The following DNAH6 variants were observed in gnomAD, a reference collection of about 807,000 sequenced individuals.
The protein encoded by DNAH6 is axonemal beta dynein heavy chain 6.
A neutral mutation model predicts 491.4 loss-of-function variants in DNAH6; 340 were observed. The observed-to-expected ratio is 0.69, with a 90% CI of 0.63 to 0.76. The LOEUF (loss-of-function observed/expected upper bound fraction) is 0.76. DNAH6 is among the 30% of genes least tolerant of loss of function. The pLI, the probability that DNAH6 is intolerant of heterozygous loss-of-function variation, is 0.00. For missense variants in DNAH6, 4,443 were observed against 4,972.2 expected (o/e 0.89, Z 3.20); for synonymous variants, 1,603 against 1,686.1 (o/e 0.95, Z 1.21).
chr2:84,593,926 A>G (rs1395537530), intron 16 of DNAH6, 46 bp from the exon 17 acceptor site: 1 of 1,158,806 alleles, frequency 8.6e-7, no homozygotes, highest in Non-Finnish European at 1.3e-6. Context: ...TATGCTCATT[A>G]TATCTGAAAA....
chr2:84,568,482 G>C (rs1681449463), intron 11 of DNAH6, among the ~76,000 whole-genome samples: 1 of 152,062 alleles, frequency 6.6e-6, no homozygotes, highest in Admixed American at 6.6e-5. Flanking sequence ...AAAACACCAT[G>C]TATTCTCACT....
chr2:84,742,807 AC>A (rs948597166), intron 62 of DNAH6, among the ~76,000 whole-genome samples: 59 of 151,574 alleles, frequency 3.9e-4, no homozygotes, highest in African/African-American at 1.4e-3. Flanking sequence ...TTTGGTAATT[AC>A]TCTTATACTT....
chr2:84,705,471 A>ATGTC lies in DNAH6; in HGVS notation c.8466-9_8466-6dup, dbSNP rs35887171. ...TTCATTTCAGTGCCATTAATATATC[A>ATGTC]TGTCTGTCTTTCAGGCCTGATTGGC... On this transcript the variant is annotated splice_polypyrimidine_tract_variant and intron_variant, in intron 51 of 76. Coordinates refer to ENST00000389394, the MANE Select transcript of DNAH6 (RefSeq NM_001370.2). 29,963 of 1,528,044 alleles carry ATGTC rather than the reference A, an allele frequency of 0.02. 387 individuals are homozygous for ATGTC. Among genetic ancestry groups the ATGTC allele is most frequent in the Non-Finnish European group, 0.023 (26,466 of 1,136,506 alleles). The allele number at this position is 1,528,044 out of a possible 1,614,324, so 94.7% of individuals were successfully genotyped here. A position where few individuals can be genotyped will look rare whatever the true frequency, so the allele number is the denominator to read the frequency against.
chr2:84,747,290 A>G (rs1673054485), intron 63 of DNAH6, among the ~76,000 whole-genome samples: 1 of 152,234 alleles, frequency 6.6e-6, no homozygotes, highest in Admixed American at 6.5e-5. Flanking sequence ...CATGAGATCA[A>G]AAACAAGTTA....
intron 22 of DNAH6, among the ~76,000 whole-genome samples, chr2:84,614,150 A>C (rs929514214): frequency 2.6e-5 from 4 of 151,852 alleles, no homozygotes; most frequent in Admixed American, 1.3e-4. Flanking sequence ...TACTGTACCC[A>C]ATGCGTAGTC....
At chr2:84,528,090 G>A (rs1233951404) in intron 3 of DNAH6, among the ~76,000 whole-genome samples, 3 of 152,084 alleles carry the variant, frequency 2.0e-5, no homozygotes, top group South Asian at 2.1e-4. Context: ...CAAGTTTTTT[G>A]GGGGGTGTGA....
At chr2:84,551,400 A>AG (rs997267540) in intron 9 of DNAH6, among the ~76,000 whole-genome samples, 1 of 151,744 alleles carries the variant, frequency 6.6e-6, no homozygotes, top group African/African-American at 2.4e-5. Flanking sequence ...TCAAAGGGGA[A>AG]AAAAGATATT....
the DNAH6 span, among the ~76,000 whole-genome samples, chr2:84,464,784 T>G: frequency 6.6e-6 from 1 of 152,260 alleles, no homozygotes; most frequent in African/African-American, 2.4e-5. Flanking sequence ...CTAGCTCCTT[T>G]ACTGCAAACT....
chr2:84,541,526 G>A (rs1017864849), intron 4 of DNAH6, among the ~76,000 whole-genome samples: 1 of 152,190 alleles, frequency 6.6e-6, no homozygotes, highest in African/African-American at 2.4e-5. Flanking sequence ...AAAAGAAGAA[G>A]AAAAGTGTGG....
upstream of DNAH6, chr2:84,516,490 C>T (rs1675603067): frequency 6.6e-6 from 1 of 152,212 alleles, no homozygotes; most frequent in Admixed American, 6.5e-5. Context: ...TACGCAGCAA[C>T]AGGAAACATT....
intron 62 of DNAH6, among the ~76,000 whole-genome samples, chr2:84,740,062 A>G (rs1228957149): frequency 7.1e-6 from 1 of 141,130 alleles, no homozygotes; most frequent in Non-Finnish European, 1.6e-5. Flanking sequence ...CTTCTTGTTT[A>G]TTCGTTTTTC....
chr2:84,729,542 A>C (rs112565254), intron 61 of DNAH6, among the ~76,000 whole-genome samples: 8 of 152,358 alleles, frequency 5.3e-5, no homozygotes, highest in African/African-American at 1.9e-4. Flanking sequence ...ACAATAATGC[A>C]TAACACAGTC....
At position 84,745,064 on chromosome 2, in the gene DNAH6, T is replaced by A. The variant is rs771128244; in HGVS notation, c.10343-16T>A. 27 of 1,432,530 alleles carry A rather than the reference T, an allele frequency of 1.9e-5. No individual in the cohort carries two copies. Among genetic ancestry groups the A allele is most frequent in the Non-Finnish European group, 2.5e-5 (27 of 1,071,314 alleles). 88.7% of individuals were successfully genotyped at this position (1,432,530 alleles called of 1,614,324 possible). A position where few individuals can be genotyped will look rare whatever the true frequency, so the allele number is the denominator to read the frequency against. On this transcript the variant is annotated splice_polypyrimidine_tract_variant and intron_variant, in intron 62 of 76. Coordinates refer to ENST00000389394, the MANE Select transcript of DNAH6 (RefSeq NM_001370.2). ...ACAAATCTAATTAAATTATCTTTTT[T>A]AAATTGTATTTCCAGGATCTTTTGA...
intron 35 of DNAH6, 98 bp downstream of exon 35, chr2:84,654,880 G>T: frequency 7.6e-7 from 1 of 1,318,722 alleles, no homozygotes. Flanking sequence ...CATGGTTCTT[G>T]ATTGAGGGGA....
chr2:84,629,705 A>G (rs1178964806), intron 29 of DNAH6, among the ~76,000 whole-genome samples: 2 of 152,184 alleles, frequency 1.3e-5, no homozygotes, highest in Non-Finnish European at 2.9e-5. Flanking sequence ...AAAAATAGTG[A>G]TCACCTCTAG....
intron 18 of DNAH6, among the ~76,000 whole-genome samples, chr2:84,598,130 T>TCTTTCTTTCTTC (rs1491152416): frequency 2.1e-5 from 1 of 48,184 alleles, no homozygotes; most frequent in Non-Finnish European, 5.0e-5. Context: ...ATCTTTCTTT[T>TCTTTCTTTCTTC]CTTTCTTTCT....
At chr2:84,697,543 C>A in intron 46 of DNAH6, 32 bp from the exon 47 acceptor site, 1 of 1,499,328 alleles carries the variant, frequency 6.7e-7, no homozygotes, top group Non-Finnish European at 8.9e-7. Context: ...AATGATTGAG[C>A]AAGTTGTAAT....
chr2:84,663,147 A>C (rs1161493102), intron 37 of DNAH6, among the ~76,000 whole-genome samples: 2 of 152,250 alleles, frequency 1.3e-5, no homozygotes, highest in African/African-American at 4.8e-5. Context: ...AAACCAGAGC[A>C]GAAAAGCTGA....
chr2:84,643,693 G>A (rs984998079), intron 33 of DNAH6, among the ~76,000 whole-genome samples: 5 of 152,114 alleles, frequency 3.3e-5, no homozygotes, highest in African/African-American at 1.2e-4. Context: ...GTTATAGTGT[G>A]CTGGTTTTTA....
Sources: allele counts gnomAD v4.1 joint callset (sites outside exome capture counted in the v4.1 genomes callset), GRCh38; gene constraint gnomAD v4.1.1; transcripts MANE v1.5; gene names NCBI Gene and HGNC (gene_info 2026-07-23, HGNC 2026-07-21).